Variants in TRRAP observed in about 807,000 individuals in gnomAD.
TRRAP encodes transformation/transcription domain associated protein, also known as transformation/transcription domain-associated protein.
A neutral mutation model predicts 438.8 loss-of-function variants in TRRAP; 41 were observed. That is an observed-to-expected ratio of 0.09 (90% CI 0.07 to 0.12). The LOEUF (loss-of-function observed/expected upper bound fraction) is 0.12. Among genes scored for constraint, TRRAP ranks in the 10% least tolerant of loss-of-function variants. The probability of loss-of-function intolerance (pLI) is 1.00; values close to 1 mark genes in which losing one functional copy is unlikely to be tolerated. For missense variants in TRRAP, 3,122 were observed against 5,055.1 expected (o/e 0.62, Z 11.60); for synonymous variants, 1,994 against 1,962.9 (o/e 1.02, Z -0.42).
rs974295835 is a variant in TRRAP, at chr7:98,961,533, G to T, written c.6703+59G>T. ...AAAGTGGACGGTGGGCGCGGAGCTT[G>T]CTATGAGAGCGCTTGTCCTCCAGTT... is the stretch of plus-strand genomic sequence containing the variant. On this transcript the variant is annotated intron_variant, in intron 46 of 72. Coordinates refer to ENST00000456197, the MANE Select transcript of TRRAP (RefSeq NM_001375524.1). 8.9e-6 allele frequency: 14 copies of T among 1,579,650 alleles called. No homozygotes were observed. In the South Asian group the frequency reaches 1.6e-4, roughly 18 times the overall value.
intron 49 of TRRAP, 122 bp downstream of exon 49, chr7:98,966,017 C>T (rs1019519428): frequency 1.2e-5 from 14 of 1,130,508 alleles, no homozygotes; most frequent in Admixed American, 2.3e-5. Context: ...GCACTCACAG[C>T]ATCTTTTCTT....
chr7:98,902,317 C>T (rs1796506584), intron 11 of TRRAP, among the ~76,000 whole-genome samples: 1 of 152,074 alleles, frequency 6.6e-6, no homozygotes, highest in South Asian at 2.1e-4. Context: ...TTATTTAAAT[C>T]ATGAGAACTT....
chr7:99,008,555 C>T lies in TRRAP; in HGVS notation c.10932C>T (p.Ser3644=), dbSNP rs778946063. 2 of 1,613,424 alleles carry T rather than the reference C, an allele frequency of 1.2e-6. No homozygotes were observed. Among genetic ancestry groups the T allele is most frequent in the Non-Finnish European group, 8.5e-7 (1 of 1,179,926 alleles). Residue 3644 remains serine (S), a synonymous_variant, in exon 70 of 73, where the codon AGC becomes AGT. Coordinates refer to ENST00000456197, the MANE Select transcript of TRRAP (RefSeq NM_001375524.1). ...ATVQARGTQA[S]HQVLRDILKE... The stretch of plus-strand genomic sequence containing the variant: ...TGCAGGCGCGGGGAACCCAAGCCAG[C>T]CACCAGGTAGCAGTGGGGCCGGGCC...
At chr7:98,880,982 G>T in intron 1 of TRRAP, 108 bp from the exon 2 acceptor site, 1 of 446,040 alleles carries the variant, frequency 2.2e-6, no homozygotes. Context: ...TTAGATTCTG[G>T]ATTAAGATGA....
rs566933159 is a variant in TRRAP, at chr7:98,970,027, G to A, written c.7513-85G>A. 7.6e-5 allele frequency: 116 copies of A among 1,520,802 alleles called. No homozygotes were observed. In the African/African-American group the frequency reaches 1.5e-3, roughly 20 times the overall value. The allele number at this position is 1,520,802 out of a possible 1,614,324, so 94.2% of individuals were successfully genotyped here. A position where few individuals can be genotyped will look rare whatever the true frequency, so the allele number is the denominator to read the frequency against. Reference sequence around the variant, plus strand: ...GACCTGCAGAGTCAGAGGTGCCTGAGTGAGGGGCATCTGGGAGAGAAGTCC... The same window carrying A: ...GACCTGCAGAGTCAGAGGTGCCTGAATGAGGGGCATCTGGGAGAGAAGTCC... On this transcript the variant is annotated intron_variant, in intron 51 of 72. Coordinates refer to ENST00000456197, the MANE Select transcript of TRRAP (RefSeq NM_001375524.1).
intron 23 of TRRAP, among the ~76,000 whole-genome samples, chr7:98,927,742 C>T (rs1554411818): frequency 6.6e-6 from 1 of 152,088 alleles, no homozygotes; most frequent in African/African-American, 2.4e-5. Context: ...TTCTCCATCA[C>T]CTGCTCCCTG....
At chr7:98,946,488 A>G (rs781866560) in intron 33 of TRRAP, among the ~76,000 whole-genome samples, 139 of 150,878 alleles carry the variant, frequency 9.2e-4, no homozygotes, top group Non-Finnish European at 1.6e-3. Context: ...CACTCACACC[A>G]CACATGCACA....
intron 1 of TRRAP, among the ~76,000 whole-genome samples, chr7:98,880,542 G>A (rs1475306359): frequency 6.6e-6 from 1 of 152,112 alleles, no homozygotes; most frequent in Non-Finnish European, 1.5e-5. Context: ...GATTCCAGGC[G>A]TGAGCCACTG....
intron 58 of TRRAP, 30 bp from the exon 59 acceptor site, chr7:98,981,739 A>G (rs749187252): frequency 1.9e-6 from 3 of 1,579,424 alleles, no homozygotes; most frequent in Non-Finnish European, 2.6e-6. Flanking sequence ...AAGGCCCCTC[A>G]CGTCCTGTGT....
intron 6 of TRRAP, among the ~76,000 whole-genome samples, chr7:98,895,462 C>T (rs74380319): frequency 6.2e-4 from 95 of 152,290 alleles, no homozygotes; most frequent in East Asian, 2.3e-3. Context: ...GTCTTTCTCT[C>T]GTTCCATCCT....
At chr7:98,933,509 G>A (rs1215176089) in intron 27 of TRRAP, 107 bp downstream of exon 27, 21 of 1,451,214 alleles carry the variant, frequency 1.4e-5, no homozygotes, top group Admixed American at 2.1e-5. Flanking sequence ...AGGCTCGGGC[G>A]GGGACCTGCA....
Position 98,908,804 on chromosome 7 carries a change from G to A in TRRAP, c.1192G>A (p.Ala398Thr), listed in dbSNP as rs1554407969. ...QHLPLSDLSL[A>T]VQLFAKNIDD... The stretch of plus-strand genomic sequence containing the variant: ...CCTGCCCCTCAGCGACCTCTCCCTC[G>A]CCGTCCAGCTCTTCGCCAAGAACAT... The change falls in exon 14 of 73, where the codon GCC becomes ACC. Residue 398 changes from alanine (A) to threonine (T), a missense_variant. Ala to Thr is a moderately conservative substitution (Grantham distance 58). Transcript: ENST00000456197. The surrounding 1 kb of genome is among the most constrained non-coding windows in gnomAD (Gnocchi z 4.1). 1.9e-6 allele frequency: 3 copies of A among 1,603,856 alleles called. No homozygotes were observed. The highest frequency in any genetic ancestry group is 1.1e-5 in the South Asian group (1 of 89,172).
At chr7:98,971,162 C>CT (rs1199896609) in intron 52 of TRRAP, among the ~76,000 whole-genome samples, 1 of 152,066 alleles carries the variant, frequency 6.6e-6, no homozygotes, top group African/African-American at 2.4e-5. Context: ...AATTTTTTTC[C>CT]TTTTTTTACT....
intron 11 of TRRAP, among the ~76,000 whole-genome samples, chr7:98,901,532 T>C (rs797031224): frequency 5.9e-5 from 9 of 152,364 alleles, no homozygotes; most frequent in African/African-American, 2.2e-4. Context: ...TCTAATGTTT[T>C]TGAAAACAGC....
chr7:98,981,409 T>A (rs1189956971), intron 58 of TRRAP, among the ~76,000 whole-genome samples: 1 of 152,002 alleles, frequency 6.6e-6, no homozygotes, highest in African/African-American at 2.4e-5. Context: ...CTCAAAAAAA[T>A]AATAATAATA....
rs1018515156 is a variant in TRRAP at position 98,994,451 on chromosome 7, C to T, written c.10048-136C>T. 7.8e-7 allele frequency: 1 copy of T among 1,286,134 alleles called. No homozygotes were observed. Among genetic ancestry groups the T allele is most frequent in the Non-Finnish European group, 1.1e-6 (1 of 924,600 alleles). The allele number at this position is 1,286,134 out of a possible 1,614,324, so 79.7% of individuals were successfully genotyped here. On this transcript the variant is annotated intron_variant, in intron 66 of 72. Coordinates refer to ENST00000456197, the MANE Select transcript of TRRAP (RefSeq NM_001375524.1). The surrounding 1 kb of genome is among the most constrained non-coding windows in gnomAD (Gnocchi z 4.8). ...TTTCTTGCACACGCCGATTTCATGC[C>T]TGCTGTGTGTGGGTCCTGCCGGGGA... is the stretch of plus-strand genomic sequence containing the variant.
intron 12 of TRRAP, among the ~76,000 whole-genome samples, chr7:98,905,951 C>T (rs1188021862): frequency 6.6e-6 from 1 of 152,190 alleles, no homozygotes; most frequent in East Asian, 1.9e-4. Flanking sequence ...TGACCCTGAA[C>T]GTGACCCTGA....
intron 21 of TRRAP, 34 bp from the exon 22 acceptor site, chr7:98,925,078 C>T: frequency 1.3e-6 from 2 of 1,580,812 alleles, no homozygotes; most frequent in Non-Finnish European, 1.7e-6. Context: ...GTAATTTCAG[C>T]ACAAACTGTA....
intron 11 of TRRAP, among the ~76,000 whole-genome samples, chr7:98,902,047 G>A (rs185146456): frequency 5.9e-5 from 9 of 152,290 alleles, no homozygotes; most frequent in Admixed American, 5.9e-4. Context: ...TGTACTTTCT[G>A]TCTTTACGGA....
Sources: gnomAD v4.1 joint callset for allele counts (sites outside exome capture counted in the v4.1 genomes callset) on GRCh38, gnomAD v4.1.1 for gene constraint, Gnocchi (gnomAD v3.1) non-coding constraint, MANE v1.5 for transcripts, NCBI Gene and HGNC (gene_info 2026-07-23, HGNC 2026-07-21) for gene names.